Variants in ITSN2 observed in about 807,000 individuals in gnomAD.
The protein encoded by ITSN2 is intersectin-2.
ITSN2 carries 156 observed loss-of-function variants against 243.7 expected under a neutral mutation model. That is an observed-to-expected ratio of 0.64 (90% CI 0.56 to 0.73). The LOEUF is 0.73. Ranked by LOEUF, ITSN2 falls within the 30% of genes least tolerant of loss-of-function variation. The pLI, the probability that ITSN2 is intolerant of heterozygous loss-of-function variation, is 0.00. For missense variants in ITSN2, 1,801 were observed against 1,996.1 expected (o/e 0.90, Z 1.86); for synonymous variants, 703 against 699.9 (o/e 1.00, Z -0.07).
chr2:24,244,946 C>T (rs1673154440), intron 29 of ITSN2, among the ~76,000 whole-genome samples: 1 of 152,070 alleles, frequency 6.6e-6, no homozygotes, highest in African/African-American at 2.4e-5. Flanking sequence ...ATAAGTGTAT[C>T]TGAGTTTTGT....
chr2:24,320,803 A>C (rs1223921188), intron 2 of ITSN2, among the ~76,000 whole-genome samples: 1 of 152,000 alleles, frequency 6.6e-6, no homozygotes, highest in Non-Finnish European at 1.5e-5. Context: ...TAAGGGAGAC[A>C]CTGATGATTT....
chr2:24,305,197 G>A (rs778169353), intron 8 of ITSN2, among the ~76,000 whole-genome samples: 4 of 152,168 alleles, frequency 2.6e-5, no homozygotes, highest in Admixed American at 6.5e-5. Flanking sequence ...CTGTGCCTAA[G>A]AGAGTGCCCA....
intron 20 of ITSN2, among the ~76,000 whole-genome samples, chr2:24,268,803 T>C (rs962067140): frequency 2.0e-5 from 3 of 151,686 alleles, no homozygotes; most frequent in African/African-American, 7.3e-5. Context: ...CATTATTTAC[T>C]ACCTTCTCTC....
intron 31 of ITSN2, 49 bp downstream of exon 31, chr2:24,217,858 C>A (rs1670113094): frequency 1.5e-6 from 2 of 1,325,724 alleles, no homozygotes; most frequent in Non-Finnish European, 1.1e-6. Context: ...GAGTCTCAGT[C>A]TGGGGGCTTT....
intron 28 of ITSN2, 34 bp downstream of exon 28, chr2:24,246,763 C>G (rs1457169030): frequency 7.6e-7 from 1 of 1,312,630 alleles, no homozygotes; most frequent in Non-Finnish European, 1.1e-6. Flanking sequence ...ACAAACTCCT[C>G]TAAAATGAAA....
chr2:24,291,696 G>T (rs1287938312), intron 15 of ITSN2, among the ~76,000 whole-genome samples: 1 of 151,902 alleles, frequency 6.6e-6, no homozygotes, highest in African/African-American at 2.4e-5. Flanking sequence ...CACCATGTTG[G>T]CCAGGATGAT....
chr2:24,206,769 A>G (rs1389187786), intron 37 of ITSN2, among the ~76,000 whole-genome samples: 1 of 152,084 alleles, frequency 6.6e-6, no homozygotes, highest in Admixed American at 6.6e-5. Flanking sequence ...AGGGACTGAG[A>G]GGGCGCAAGC....
intron 35 of ITSN2, 129 bp from the exon 36 acceptor site, chr2:24,209,350 GTCT>G (rs904162514): frequency 1.0e-6 from 1 of 962,636 alleles, no homozygotes; most frequent in African/African-American, 1.6e-5. Flanking sequence ...AGCGTCTAAG[GTCT>G]TCTACACAGA....
At chr2:24,328,023 C>A (rs1438982336) in intron 2 of ITSN2, 29 bp downstream of exon 2, 1 of 1,597,758 alleles carries the variant, frequency 6.3e-7, no homozygotes, top group East Asian at 2.2e-5. Context: ...TCCATAACCT[C>A]ATCTTGCCAC....
intron 20 of ITSN2, among the ~76,000 whole-genome samples, chr2:24,269,057 T>TG (rs1677019677): frequency 1.1e-5 from 1 of 92,922 alleles, no homozygotes; most frequent in African/African-American, 3.4e-5. Context: ...TAAACTCTCC[T>TG]GTTTTTTTTT....
At chr2:24,296,732 T>G (rs1362259069) in intron 13 of ITSN2, among the ~76,000 whole-genome samples, 1 of 152,250 alleles carries the variant, frequency 6.6e-6, no homozygotes, top group Non-Finnish European at 1.5e-5. Flanking sequence ...GCCTATCGTA[T>G]TTTGTTACAG....
intron 29 of ITSN2, chr2:24,239,609 C>T (rs1344742218): frequency 6.6e-6 from 1 of 152,044 alleles, no homozygotes; most frequent in Non-Finnish European, 1.5e-5. Context: ...TCTTTACCTC[C>T]TACAGAAATT....
chr2:24,325,360 T>C (rs1338205613), intron 2 of ITSN2, among the ~76,000 whole-genome samples: 1 of 152,000 alleles, frequency 6.6e-6, no homozygotes, highest in Non-Finnish European at 1.5e-5. Context: ...CAGTGAGCTG[T>C]GTTCATACCA....
intron 36 of ITSN2, among the ~76,000 whole-genome samples, chr2:24,208,814 T>C (rs922684127): frequency 1.3e-5 from 2 of 152,164 alleles, no homozygotes; most frequent in African/African-American, 4.8e-5. Flanking sequence ...GGCTGTCGCC[T>C]GCGGGCAGCC....
At chr2:24,333,369 C>A (rs536030921) in intron 1 of ITSN2, among the ~76,000 whole-genome samples, 9 of 152,290 alleles carry the variant, frequency 5.9e-5, no homozygotes, top group Admixed American at 2.6e-4. Flanking sequence ...CTTGGTATAA[C>A]TCTCTGAAAG....
chr2:24,289,242 A>G (rs1301738752), intron 15 of ITSN2, among the ~76,000 whole-genome samples: 1 of 152,242 alleles, frequency 6.6e-6, no homozygotes, highest in African/African-American at 2.4e-5. Flanking sequence ...CTTCCAATAC[A>G]TGAACATGGA....
At position 24,217,083 on chromosome 2, in the gene ITSN2, CAA is replaced by C. The variant is rs67968149; in HGVS notation, c.3806+822_3806+823del. ...TGGGTGAGAGAGCGAGACTCCGTCT[CAA>C]AAAAAAAAAAAAAATTAGCCAGGTG... On this transcript the variant is annotated intron_variant, in intron 31 of 39. Transcript: ENST00000355123. Among the ~76,000 whole-genome samples the C allele has an allele frequency of 1.8e-3, 252 of 140,134 alleles. 5 individuals are homozygous for C. Among genetic ancestry groups the C allele is most frequent in the Admixed American group, 2.0e-3 (28 of 14,194 alleles). 91.9% of individuals were successfully genotyped at this position (140,134 alleles called of 152,430 possible).
intron 39 of ITSN2, 30 bp from the exon 40 acceptor site, chr2:24,203,813 T>C: frequency 1.3e-6 from 2 of 1,582,370 alleles, no homozygotes; most frequent in Non-Finnish European, 1.7e-6. Context: ...GAGTCAGAAG[T>C]CTTTCTTCTT....
At chr2:24,257,618 G>A (rs1042884282) in intron 23 of ITSN2, among the ~76,000 whole-genome samples, 2 of 151,646 alleles carry the variant, frequency 1.3e-5, no homozygotes, top group Admixed American at 6.6e-5. Context: ...CACCATGCCC[G>A]GCTAATTTTT....
Sources: allele counts gnomAD v4.1 joint callset (sites outside exome capture counted in the v4.1 genomes callset), GRCh38; gene constraint gnomAD v4.1.1; transcripts MANE v1.5; gene names NCBI Gene and HGNC (gene_info 2026-07-23, HGNC 2026-07-21).